PECR: variants seen among roughly 807,000 people sequenced by gnomAD.
PECR encodes peroxisomal trans-2-enoyl-CoA reductase.
In PECR, 30 loss-of-function variants were observed where a neutral mutation model predicts 35.3. The observed-to-expected ratio is 0.85, with a 90% CI of 0.64 to 1.15. The LOEUF is 1.15. Ranked by LOEUF, PECR falls within the 50% of genes most tolerant of loss-of-function variation. The pLI, the probability that PECR is intolerant of heterozygous loss-of-function variation, is 0.00. For missense variants in PECR, 392 were observed against 370.8 expected (o/e 1.06, Z -0.47); for synonymous variants, 148 against 138.9 (o/e 1.07, Z -0.46).
At position 216,051,462 on chromosome 2, in the gene PECR, T is replaced by C. The variant is rs537319828; in HGVS notation, c.590A>G (p.Asn197Ser). The C allele has an allele frequency of 3.1e-6, 5 of 1,602,608 alleles. No homozygotes were observed. The East Asian group carries it at 1.1e-4, about 36-fold the overall frequency. The change falls in exon 5 of 8, where the codon AAT becomes AGT. Residue 197 changes from asparagine to serine, a missense_variant. Asn to Ser is a conservative substitution (Grantham distance 46). Transcript: ENST00000265322. Reference sequence around the variant, plus strand: ...TCGTTTACCTACAGGGGCAACACAATTGATCCGTATTCCACTGCAGGCCCA... The same window carrying C: ...TCGTTTACCTACAGGGGCAACACAACTGATCCGTATTCCACTGCAGGCCCA... ...LEWACSGIRI[N>S]CVAPGVIYSQ...
At chr2:216,040,116 CAG>C (rs142077921) in intron 7 of PECR, among the ~76,000 whole-genome samples, 4,357 of 151,952 alleles carry the variant, frequency 0.029, 80 homozygotes, top group Non-Finnish European at 0.044. Context: ...AAACAGGAAA[CAG>C]GGGAAAAACT....
At chr2:216,073,374 A>T (rs1406070095) in intron 1 of PECR, among the ~76,000 whole-genome samples, 1 of 152,240 alleles carries the variant, frequency 6.6e-6, no homozygotes, top group East Asian at 1.9e-4. Context: ...TGCTGTAGCC[A>T]CTGTAATGTC....
At position 216,044,031 on chromosome 2, in the gene PECR, C is replaced by T. The variant is rs748619069; in HGVS notation, c.715-16G>A. 2 of 1,380,910 alleles carry T rather than the reference C, an allele frequency of 1.4e-6. No individual in the cohort carries two copies. Among genetic ancestry groups the T allele is most frequent in the South Asian group, 1.2e-5 (1 of 86,346 alleles). The allele number at this position is 1,380,910 out of a possible 1,614,324, so 85.5% of individuals were successfully genotyped here. On this transcript the variant is annotated splice_polypyrimidine_tract_variant and intron_variant, in intron 6 of 7. Coordinates refer to ENST00000265322, the MANE Select transcript of PECR (RefSeq NM_018441.6). The stretch of plus-strand genomic sequence containing the variant: ...CAGAGGAGACCTGGAAACAGAAACA[C>T]ACATGTGCATAGGTAAAAGCAAATA...
At position 216,030,946 on chromosome 2, in the gene PECR, TCTCTCTCTCTCACACACACA is replaced by T. The variant is rs777985744; in HGVS notation, c.*440+8225_*440+8244del. On this transcript the variant is annotated intron_variant and NMD_transcript_variant, in intron 7 of 7. Transcript: ENST00000442122. Reference sequence around the variant, plus strand: ...GGCCCATTCTCTCTCTCTCTCTCTCTCTCTCTCTCTCACACACACACACACACACACACACACACACACAC... The same window carrying T: ...GGCCCATTCTCTCTCTCTCTCTCTCTCACACACACACACACACACACACAC... Among the ~76,000 whole-genome samples, 510 of 89,290 alleles carry T rather than the reference TCTCTCTCTCTCACACACACA, an allele frequency of 5.7e-3. 2 individuals carry two copies. The highest frequency in any genetic ancestry group is 0.017 in the African/African-American group (474 of 27,694). The allele number at this position is 89,290 out of a possible 152,430, so 58.6% of individuals were successfully genotyped here.
Position 216,045,747 on chromosome 2 carries a change from G to C in PECR, c.715-1732C>G, listed in dbSNP as rs143602419. Among the ~76,000 whole-genome samples the C allele has an allele frequency of 7.9e-5, 12 of 152,352 alleles. 1 individual carries two copies. In the East Asian group the frequency reaches 2.3e-3, roughly 29 times the overall value. ...ATCCAGTAGTGACAACTCAGCCAAT[G>C]AACATGTTTGTTAAAGTCAGCGCAT... On this transcript the variant is annotated intron_variant, in intron 6 of 7. Transcript: ENST00000265322.
chr2:216,072,192 T>C (rs563170617), intron 1 of PECR, among the ~76,000 whole-genome samples: 1 of 152,326 alleles, frequency 6.6e-6, no homozygotes, highest in Admixed American at 6.5e-5. Flanking sequence ...TTTAACAGTC[T>C]GCTCCACTCA....
At chr2:216,045,861 C>A (rs1273167037) in intron 6 of PECR, among the ~76,000 whole-genome samples, 1 of 152,228 alleles carries the variant, frequency 6.6e-6, no homozygotes, top group Non-Finnish European at 1.5e-5. Context: ...CTCTAACAAT[C>A]TGTAAACCAC....
chr2:216,067,557 C>CT (rs990228561), intron 1 of PECR, among the ~76,000 whole-genome samples: 2 of 151,062 alleles, frequency 1.3e-5, no homozygotes, highest in African/African-American at 4.9e-5. Context: ...CATATTTTTT[C>CT]TTTTTCTTTT....
chr2:216,040,259 A>AT (rs930995674), intron 7 of PECR, among the ~76,000 whole-genome samples: 10 of 152,128 alleles, frequency 6.6e-5, no homozygotes, highest in Non-Finnish European at 1.3e-4. Flanking sequence ...AAATGACTTT[A>AT]TTTTTTTAAT....
At chr2:216,078,528 C>T (rs1336161344) in intron 1 of PECR, among the ~76,000 whole-genome samples, 1 of 147,974 alleles carries the variant, frequency 6.8e-6, no homozygotes, top group African/African-American at 2.5e-5. Context: ...GTGGAGGTTG[C>T]AGTGAGCCGA....
chr2:216,043,103 GTATATA>G lies in PECR; in HGVS notation c.826+795_826+800del, dbSNP rs1304305088. On this transcript the variant is annotated intron_variant, in intron 7 of 7. Transcript: ENST00000265322. The stretch of plus-strand genomic sequence containing the variant: ...TATACACATACATATATATGTATGC[GTATATA>G]TATATATTTTTTTTTGAGATAAGAG... Among the ~76,000 whole-genome samples the G allele has an allele frequency of 4.0e-3, 484 of 120,116 alleles. 23 individuals are homozygous for G. Among genetic ancestry groups the G allele is most frequent in the African/African-American group, 0.015 (462 of 31,650 alleles). The allele number at this position is 120,116 out of a possible 152,430, so 78.8% of individuals were successfully genotyped here.
intron 4 of PECR, among the ~76,000 whole-genome samples, chr2:216,058,637 C>T (rs1326899078): frequency 1.3e-5 from 2 of 151,624 alleles, no homozygotes; most frequent in African/African-American, 4.9e-5. Flanking sequence ...ACAAGACATC[C>T]AGTTTAATCT....
intron 7 of PECR, 111 bp from the exon 8 acceptor site, chr2:216,039,471 A>G (rs1454648336): frequency 1.3e-6 from 1 of 746,168 alleles, no homozygotes; most frequent in African/African-American, 1.7e-5. Context: ...TCAGCACCAA[A>G]AAATAAATCC....
chr2:216,074,572 G>A (rs912757226), intron 1 of PECR, among the ~76,000 whole-genome samples: 4 of 151,900 alleles, frequency 2.6e-5, no homozygotes, highest in Non-Finnish European at 4.4e-5. Context: ...GAGAGAGAGA[G>A]AAAACAAGAA....
chr2:216,038,156 C>T (rs547482883), downstream of PECR, among the ~76,000 whole-genome samples: 13 of 152,086 alleles, frequency 8.5e-5, no homozygotes, highest in Non-Finnish European at 4.4e-5. Context: ...TACTTCACCT[C>T]AGATACTTGA....
At chr2:216,059,653 T>C (rs1331683743) in intron 3 of PECR, among the ~76,000 whole-genome samples, 2 of 152,214 alleles carry the variant, frequency 1.3e-5, no homozygotes, top group African/African-American at 4.8e-5. Context: ...ATGGGGGATG[T>C]AGTTTCTACA....
intron 7 of PECR, chr2:216,033,059 C>G (rs1031549949): frequency 2.6e-5 from 4 of 152,112 alleles, no homozygotes; most frequent in Admixed American, 6.6e-5. Flanking sequence ...CATTTTAAAC[C>G]TTTACACCTT....
At chr2:216,075,513 T>G (rs1010425309) in intron 1 of PECR, among the ~76,000 whole-genome samples, 84 of 152,354 alleles carry the variant, frequency 5.5e-4, no homozygotes, top group African/African-American at 2.0e-3. Flanking sequence ...AAACCTCTTA[T>G]GCTACCTTAT....
chr2:216,052,356 AC>A (rs1695132164), intron 4 of PECR, among the ~76,000 whole-genome samples: 1 of 152,244 alleles, frequency 6.6e-6, no homozygotes, highest in Admixed American at 6.5e-5. Context: ...CTGGTAAAAA[AC>A]AGATTATTTA....
Sources: gnomAD v4.1 joint callset for allele counts (sites outside exome capture counted in the v4.1 genomes callset) on GRCh38, gnomAD v4.1.1 for gene constraint, MANE v1.5 for transcripts, NCBI Gene and HGNC (gene_info 2026-07-23, HGNC 2026-07-21) for gene names.